The following ZNF835 variants were observed in gnomAD, a reference collection of about 807,000 sequenced individuals.
ZNF835 encodes the protein zinc finger protein 835.
For missense variants in ZNF835, 783 were observed against 758.4 expected, an observed-to-expected ratio of 1.03 and a Z score of -0.38; for synonymous variants, 323 against 324.7, an observed-to-expected ratio of 0.99 and a Z score of 0.06.
chr19:56,663,423 TG>T lies in ZNF835; in HGVS notation c.*161del. 1.0e-6 allele frequency: 1 copy of T among 990,442 alleles called. No homozygotes were observed. Among genetic ancestry groups the T allele is most frequent in the Non-Finnish European group, 1.5e-6 (1 of 682,920 alleles). The allele number at this position is 990,442 out of a possible 1,614,324, so 61.4% of individuals were successfully genotyped here. A position where few individuals can be genotyped will look rare whatever the true frequency, so the allele number is the denominator to read the frequency against. On this transcript the variant is annotated 3_prime_UTR_variant, in exon 2 of 2. Transcript: ENST00000537055. ...GCACCAGGAAGACCGCAGGGGAGTCTGGCAGATGTGAGGTACAGTCTTAGCC... is the reference window on the plus strand; with the variant it reads ...GCACCAGGAAGACCGCAGGGGAGTCTGCAGATGTGAGGTACAGTCTTAGCC...
chr19:56,667,029 G>C (rs1301776834), intron 1 of ZNF835, among the ~76,000 whole-genome samples: 1 of 152,150 alleles, frequency 6.6e-6, no homozygotes, highest in African/African-American at 2.4e-5. Flanking sequence ...GTGGGCCCAG[G>C]GTCGTTAGAG....
rs758648654 is a variant in ZNF835 at position 56,664,413 on chromosome 19, G to A, written c.786C>T (p.Ser262=). Residue 262 remains serine, a synonymous_variant, in exon 2 of 2, where the codon TCC becomes TCT. Coordinates refer to ENST00000537055, the MANE Select transcript of ZNF835 (RefSeq NM_001005850.3). ...TGCGCTGGTGGCGGATGAGCGCTGA[G>A]GAGAAGCGGAAGGCCTTGGCGCACG... ...CSACAKAFRF[S]SALIRHQRIH... The A allele has an allele frequency of 9.9e-6, 16 of 1,611,874 alleles. No individual in the cohort carries two copies. In the East Asian group the frequency reaches 1.3e-4, roughly 13 times the overall value.
rs1292557247 is a variant in ZNF835 at position 56,663,947 on chromosome 19, A to G, written c.1252T>C (p.Tyr418His). The G allele has an allele frequency of 6.2e-7, 1 of 1,612,350 alleles. No individual in the cohort carries two copies. The highest frequency in any genetic ancestry group is 1.3e-5 in the African/African-American group (1 of 74,606). Residue 418 changes from tyrosine (Y) to histidine (H), a missense_variant, in exon 2 of 2, where the codon TAC becomes CAC. Tyr to His is a moderately conservative substitution (Grantham distance 83, BLOSUM62 2). Coordinates refer to ENST00000537055, the MANE Select transcript of ZNF835 (RefSeq NM_001005850.3). ...HQKIHTGERP[Y>H]KCGECGKAFS... ...GCTTTGCCGCACTCGCCGCACTTGT[A>G]GGGCCGCTCTCCGGTGTGGATCTTC...
Position 56,663,558 on chromosome 19 carries a change from T to C in ZNF835, c.*27A>G. On this transcript the variant is annotated 3_prime_UTR_variant, in exon 2 of 2. Coordinates refer to ENST00000537055, the MANE Select transcript of ZNF835 (RefSeq NM_001005850.3). The stretch of plus-strand genomic sequence containing the variant: ...ACACAGTATCTCCCCCATAGCATTG[T>C]GAGGTTGGAAAGGAGGCCCTCAGCT... 6.2e-7 allele frequency: 1 copy of C among 1,612,946 alleles called. No individual in the cohort carries two copies. The highest frequency in any genetic ancestry group is 1.1e-5 in the South Asian group (1 of 91,054).
In ZNF835 at chr19:56,666,826, G is replaced by C. The variant is rs112504796; in HGVS notation, c.-47-1581C>G. Among the ~76,000 whole-genome samples, 249 of 152,256 alleles carry C rather than the reference G, an allele frequency of 1.6e-3. 1 individual carries two copies. Among genetic ancestry groups the C allele is most frequent in the African/African-American group, 5.8e-3 (242 of 41,548 alleles). On this transcript the variant is annotated intron_variant, in intron 1 of 1. Coordinates refer to ENST00000537055, the MANE Select transcript of ZNF835 (RefSeq NM_001005850.3). ...TCTCTGCTCTCTCTGTCCTCTCTGC[G>C]TGTGAGGACACAGGGAGAAGGCGGC...
chr19:56,663,987 C>A lies in ZNF835; in HGVS notation c.1212G>T (p.Ser404=). 1 of 1,610,630 alleles carries A rather than the reference C, an allele frequency of 6.2e-7. No individual in the cohort carries two copies. The highest frequency in any genetic ancestry group is 8.5e-7 in the Non-Finnish European group (1 of 1,178,614). Reference sequence around the variant, plus strand: ...TGTGGATCTTCTGGTGCTCTATAAGCGAGGACACGTGGCTGAAGGCGGCCC... The same window carrying A: ...TGTGGATCTTCTGGTGCTCTATAAGAGAGGACACGTGGCTGAAGGCGGCCC... The part of the protein sequence containing the change: ...QCGAAFSHVS[S]LIEHQKIHTG... The change falls in exon 2 of 2, where the codon TCG becomes TCT. Residue 404 remains serine (S), a synonymous_variant. Transcript: ENST00000537055.
At chr19:56,666,057 C>G (rs1327168757) in intron 1 of ZNF835, among the ~76,000 whole-genome samples, 1 of 152,022 alleles carries the variant, frequency 6.6e-6, no homozygotes, top group Non-Finnish European at 1.5e-5. Flanking sequence ...GGAGATGGAG[C>G]CTTTGGGAGG....
chr19:56,667,137 T>C (rs555274585), intron 1 of ZNF835, among the ~76,000 whole-genome samples: 2 of 152,306 alleles, frequency 1.3e-5, no homozygotes, highest in South Asian at 4.1e-4. Flanking sequence ...AAGTCACTGT[T>C]TTTTAGAAAG....
In ZNF835 at chr19:56,664,420, C is replaced by G. The variant is rs372907912; in HGVS notation, c.779G>C (p.Arg260Pro). The change falls in exon 2 of 2, where the codon CGC becomes CCC. Residue 260 changes from arginine to proline, a missense_variant. By Grantham distance (103) the Arg-to-Pro change is moderately radical. Coordinates refer to ENST00000537055, the MANE Select transcript of ZNF835 (RefSeq NM_001005850.3). ...GTGGCGGATGAGCGCTGAGGAGAAG[C>G]GGAAGGCCTTGGCGCACGCGGAGCA... ...YECSACAKAF[R>P]FSSALIRHQR... 7 of 1,611,534 alleles carry G rather than the reference C, an allele frequency of 4.3e-6. No individual in the cohort carries two copies. The African/African-American group carries it at 8.1e-5, about 19-fold the overall frequency.
intron 1 of ZNF835, among the ~76,000 whole-genome samples, chr19:56,670,984 G>T (rs969074074): frequency 6.6e-6 from 1 of 152,272 alleles, no homozygotes; most frequent in Non-Finnish European, 1.5e-5. Context: ...CACCGATAAA[G>T]TGTTACATGC....
In ZNF835 at chr19:56,665,076, G is replaced by A. The variant is rs770907581; in HGVS notation, c.123C>T (p.Ala41=). 6.2e-7 allele frequency: 1 copy of A among 1,613,926 alleles called. No individual in the cohort carries two copies. Among genetic ancestry groups the A allele is most frequent in the East Asian group, 2.2e-5 (1 of 44,880 alleles). The part of the protein sequence containing the change: ...QESCPEPEAV[A]CKGDPAGDSM... ...TGTCCCCAGCAGGGTCTCCCTTGCAGGCCACGGCCTCTGGCTCTGGACAGC... is the reference window on the plus strand; with the variant it reads ...TGTCCCCAGCAGGGTCTCCCTTGCAAGCCACGGCCTCTGGCTCTGGACAGC... The change falls in exon 2 of 2, where the codon GCC becomes GCT. Residue 41 remains alanine, a synonymous_variant. Coordinates refer to ENST00000537055, the MANE Select transcript of ZNF835 (RefSeq NM_001005850.3).
rs116337560 is a variant in ZNF835, at chr19:56,667,660, A to G, written c.-47-2415T>C. On this transcript the variant is annotated intron_variant, in intron 1 of 1. Transcript: ENST00000537055. ...CCGGGTACACTCCTGCTGCTGCTGG[A>G]CAGGCTACGTCTGAAGCTTGTCCTC... is the stretch of plus-strand genomic sequence containing the variant. Among the ~76,000 whole-genome samples, 930 of 152,282 alleles carry G rather than the reference A, an allele frequency of 6.1e-3. 9 individuals carry two copies. Among genetic ancestry groups the G allele is most frequent in the African/African-American group, 0.021 (885 of 41,564 alleles).
At chr19:56,671,317 A>G (rs75274478) in intron 1 of ZNF835, among the ~76,000 whole-genome samples, 5,345 of 118,152 alleles carry the variant, frequency 0.045, no homozygotes, top group East Asian at 0.16. Flanking sequence ...GTGAGCAGGT[A>G]CAGACACAGT....
At position 56,663,699 on chromosome 19, in the gene ZNF835, C is replaced by G. The variant is rs867345358; in HGVS notation, c.1500G>C (p.Ser500=). ...GCGTGGGAGCTGGGCAAAGGCGTCC[C>G]GAACTGTCTGCATGCGTCCTCTGGT... ...IRHQRTHADS[S]GRLCPAPTPD... Residue 500 remains serine, a synonymous_variant, in exon 2 of 2, where the codon TCG becomes TCC. Coordinates refer to ENST00000537055, the MANE Select transcript of ZNF835 (RefSeq NM_001005850.3). The G allele has an allele frequency of 1.2e-6, 2 of 1,613,894 alleles. No homozygotes were observed. Among genetic ancestry groups the G allele is most frequent in the African/African-American group, 1.3e-5 (1 of 74,928 alleles).
rs979353730 is a variant in ZNF835 at position 56,664,716 on chromosome 19, C to T, written c.483G>A (p.Thr161=). 1.2e-6 allele frequency: 2 copies of T among 1,610,746 alleles called. No individual in the cohort carries two copies. Among genetic ancestry groups the T allele is most frequent in the East Asian group, 2.2e-5 (1 of 44,724 alleles). ...CGTGGCAGGCGTAGGGCTTCTCGCCCGTGTGCGTGCGCTGGTGCAGGGTCA... is the reference window on the plus strand; with the variant it reads ...CGTGGCAGGCGTAGGGCTTCTCGCCTGTGTGCGTGCGCTGGTGCAGGGTCA... ...VHLTLHQRTH[T]GEKPYACHEC... The change falls in exon 2 of 2, where the codon ACG becomes ACA. Residue 161 remains threonine, a synonymous_variant. Coordinates refer to ENST00000537055, the MANE Select transcript of ZNF835 (RefSeq NM_001005850.3).
rs981332384 is a variant in ZNF835 at position 56,662,094 on chromosome 19, G to C, written c.*1491C>G. ...TGCTTAGGAAGGCTCTTCCTGTGCT[G>C]ATCCTAGGCTTGGCTAGGAGGCTTG... On this transcript the variant is annotated 3_prime_UTR_variant, in exon 2 of 2. Coordinates refer to ENST00000537055, the MANE Select transcript of ZNF835 (RefSeq NM_001005850.3). The C allele has an allele frequency of 6.6e-6, 1 of 152,170 alleles. No individual in the cohort carries two copies. The highest frequency in any genetic ancestry group is 1.5e-5 in the Non-Finnish European group (1 of 68,044). 9.4% of individuals were successfully genotyped at this position (152,170 alleles called of 1,614,324 possible).
intron 1 of ZNF835, among the ~76,000 whole-genome samples, chr19:56,668,198 T>C (rs2045262256): frequency 6.6e-6 from 1 of 152,008 alleles, no homozygotes; most frequent in Non-Finnish European, 1.5e-5. Context: ...GGTTTCACCA[T>C]ATTAGTCAGG....
chr19:56,668,981 GAC>G (rs1400770281), intron 1 of ZNF835, among the ~76,000 whole-genome samples: 1 of 152,110 alleles, frequency 6.6e-6, no homozygotes, highest in African/African-American at 2.4e-5. Context: ...CCCAAGGGGA[GAC>G]ACAGGCTTGC....
chr19:56,663,287 C>G lies in ZNF835; in HGVS notation c.*298G>C. On this transcript the variant is annotated 3_prime_UTR_variant, in exon 2 of 2. Transcript: ENST00000537055. ...TGAGCCGAGATCGCTCCACTGCACT[C>G]TAGCCTGGGTGACAGAGAGAGACAC... 2.2e-6 allele frequency: 1 copy of G among 447,504 alleles called. No homozygotes were observed. The highest frequency in any genetic ancestry group is 4.0e-6 in the Non-Finnish European group (1 of 247,596). The allele number at this position is 447,504 out of a possible 1,614,324, so 27.7% of individuals were successfully genotyped here. A position where few individuals can be genotyped will look rare whatever the true frequency, so the allele number is the denominator to read the frequency against.
Sources: allele counts gnomAD v4.1 joint callset (sites outside exome capture counted in the v4.1 genomes callset), GRCh38; gene constraint gnomAD v4.1.1; transcripts MANE v1.5; gene names NCBI Gene and HGNC (gene_info 2026-07-23, HGNC 2026-07-21).